IGSF5: variants seen among roughly 807,000 people sequenced by gnomAD.
The protein encoded by IGSF5 is immunoglobulin superfamily member 5.
Under a neutral mutation model 39.4 loss-of-function variants are expected in IGSF5, and 41 were observed. That is an observed-to-expected ratio of 1.04 (90% CI 0.81 to 1.35). The LOEUF (loss-of-function observed/expected upper bound fraction) is 1.35, where lower values mean the gene tolerates loss of function less well. IGSF5 is among the 40% of genes most tolerant of loss of function. The probability of loss-of-function intolerance (pLI) is 0.00; values close to 1 mark genes in which losing one functional copy is unlikely to be tolerated. For missense variants in IGSF5, 487 were observed against 494.6 expected (o/e 0.98, Z 0.15); for synonymous variants, 183 against 175.3 (o/e 1.04, Z -0.34).
At chr21:39,755,339 C>A (rs1209140172) in intron 2 of IGSF5, among the ~76,000 whole-genome samples, 2 of 152,110 alleles carry the variant, frequency 1.3e-5, no homozygotes, top group African/African-American at 2.4e-5. Flanking sequence ...GTAATCCCAG[C>A]ACTTTGGGAG....
At chr21:39,785,104 A>G (rs915758329) in intron 5 of IGSF5, among the ~76,000 whole-genome samples, 8 of 151,376 alleles carry the variant, frequency 5.3e-5, no homozygotes, top group Non-Finnish European at 1.0e-4. Flanking sequence ...TTTGTTACAT[A>G]TATATATACA....
At chr21:39,779,555 A>G (rs1168533094) in intron 5 of IGSF5, among the ~76,000 whole-genome samples, 2 of 152,234 alleles carry the variant, frequency 1.3e-5, no homozygotes, top group Admixed American at 6.5e-5. Context: ...TCCTGGGTCT[A>G]TATCCAAAAG....
chr21:39,773,674 A>G (rs962866784), intron 4 of IGSF5, among the ~76,000 whole-genome samples: 3 of 152,146 alleles, frequency 2.0e-5, no homozygotes, highest in African/African-American at 7.2e-5. Flanking sequence ...TTCCAGTCTC[A>G]CTTTGCACTT....
chr21:39,741,994 C>A (rs1165864422), upstream of IGSF5, among the ~76,000 whole-genome samples: 3 of 151,954 alleles, frequency 2.0e-5, no homozygotes, highest in Non-Finnish European at 2.9e-5. Flanking sequence ...AGGTCCTTAA[C>A]AATCTTTTGG....
At chr21:39,752,074 A>G (rs1445469676) in intron 2 of IGSF5, among the ~76,000 whole-genome samples, 5 of 152,110 alleles carry the variant, frequency 3.3e-5, no homozygotes, top group South Asian at 4.1e-4. Context: ...GGTTACATGA[A>G]TAAGTTCTTA....
the IGSF5 span, among the ~76,000 whole-genome samples, chr21:39,715,931 A>T: frequency 3.1e-3 from 474 of 152,294 alleles, 2 homozygotes; most frequent in African/African-American, 0.011. Context: ...CGGGGATGTT[A>T]TTAAAGTAAA....
intron 8 of IGSF5, among the ~76,000 whole-genome samples, chr21:39,797,793 T>TTATAA (rs2087005856): frequency 6.6e-6 from 1 of 152,174 alleles, no homozygotes; most frequent in African/African-American, 2.4e-5. Context: ...AGCATTGGGA[T>TTATAA]TATAAGCATG....
At chr21:39,736,805 G>A in the IGSF5 span, among the ~76,000 whole-genome samples, 1 of 152,182 alleles carries the variant, frequency 6.6e-6, no homozygotes, top group Non-Finnish European at 1.5e-5. Flanking sequence ...CAGTAGTGGT[G>A]CTGAGGCTGA....
In IGSF5 at chr21:39,789,199, T is replaced by G. The variant is rs1000906318; in HGVS notation, c.956+1011T>G. On this transcript the variant is annotated intron_variant, in intron 6 of 8. Transcript: ENST00000380588. ...CACCATTGTTGACTGTGCCAACATC[T>G]TCCATTTCTGTTCTCTGGGGTCTTA... 2.6e-5 allele frequency among the ~76,000 whole-genome samples: 4 copies of G among 152,312 alleles called. No homozygotes were observed. In the East Asian group the frequency reaches 7.7e-4, roughly 29 times the overall value.
intron 4 of IGSF5, among the ~76,000 whole-genome samples, chr21:39,775,821 C>A (rs1476354784): frequency 6.6e-6 from 1 of 152,180 alleles, no homozygotes; most frequent in Admixed American, 6.5e-5. Flanking sequence ...AAGGCACAGA[C>A]CAGCACCCCA....
At chr21:39,711,874 A>G in the IGSF5 span, among the ~76,000 whole-genome samples, 1 of 152,146 alleles carries the variant, frequency 6.6e-6, no homozygotes, top group Admixed American at 6.5e-5. Context: ...TAATCCTTTC[A>G]GATGGTGACA....
At chr21:39,762,950 C>A (rs1046674810) in intron 2 of IGSF5, among the ~76,000 whole-genome samples, 5 of 152,090 alleles carry the variant, frequency 3.3e-5, no homozygotes, top group Non-Finnish European at 5.9e-5. Context: ...CTCTGCCCCC[C>A]ATCTGGCTGT....
chr21:39,754,896 A>G (rs1310908547), intron 2 of IGSF5, among the ~76,000 whole-genome samples: 1 of 152,054 alleles, frequency 6.6e-6, no homozygotes, highest in East Asian at 1.9e-4. Context: ...TCTCAAATCC[A>G]TATCTGTAGC....
At chr21:39,745,684 C>T (rs888972002) in intron 1 of IGSF5, among the ~76,000 whole-genome samples, 158 bp downstream of exon 1, 1 of 152,124 alleles carries the variant, frequency 6.6e-6, no homozygotes, top group African/African-American at 2.4e-5. Context: ...TCCAGGCAGA[C>T]CAATGTCCCC....
At chr21:39,714,239 C>T in the IGSF5 span, among the ~76,000 whole-genome samples, 185 of 152,348 alleles carry the variant, frequency 1.2e-3, no homozygotes, top group African/African-American at 4.2e-3. Context: ...CAGTACTTCA[C>T]TTTCACCTTC....
intron 2 of IGSF5, among the ~76,000 whole-genome samples, chr21:39,763,712 C>G (rs934680486): frequency 2.6e-5 from 4 of 152,196 alleles, no homozygotes; most frequent in Admixed American, 2.6e-4. Context: ...GCTCTGTCCA[C>G]TTGACTGCCA....
chr21:39,713,181 G>A, the IGSF5 span, among the ~76,000 whole-genome samples: 1,800 of 152,344 alleles, frequency 0.012, 28 homozygotes, highest in Non-Finnish European at 0.014. Context: ...TAACTGAAGG[G>A]AAAGCACTGG....
intron 3 of IGSF5, among the ~76,000 whole-genome samples, chr21:39,767,437 C>T (rs1345466416): frequency 6.6e-6 from 1 of 152,152 alleles, no homozygotes; most frequent in Non-Finnish European, 1.5e-5. Context: ...TGCCTGGGTC[C>T]ATGTTACTGC....
chr21:39,786,833 T>G (rs1355933705), intron 5 of IGSF5, among the ~76,000 whole-genome samples: 1 of 152,138 alleles, frequency 6.6e-6, no homozygotes, highest in African/African-American at 2.4e-5. Flanking sequence ...TTGGAAATCA[T>G]CATTCTCAGT....
Sources: gnomAD v4.1 joint callset for allele counts (sites outside exome capture counted in the v4.1 genomes callset) on GRCh38, gnomAD v4.1.1 for gene constraint, MANE v1.5 for transcripts, NCBI Gene and HGNC (gene_info 2026-07-23, HGNC 2026-07-21) for gene names.